TARS3: variants seen among roughly 807,000 people sequenced by gnomAD.
The protein encoded by TARS3 is threonyl-tRNA synthetase 3.
In TARS3, 94 loss-of-function variants were observed where a neutral mutation model predicts 103.5. The ratio of observed to expected loss-of-function variants is 0.91; its 90% CI spans 0.77 to 1.08. The LOEUF (loss-of-function observed/expected upper bound fraction) is 1.08. Ranked by LOEUF, TARS3 falls within the 50% of genes least tolerant of loss-of-function variation. The pLI is 0.00. For synonymous variants in TARS3, 416 were observed against 355.4 expected, an observed-to-expected ratio of 1.17 and a Z score of -1.92; for missense variants, 952 against 995.2, an observed-to-expected ratio of 0.96 and a Z score of 0.58.
chr15:101,655,522 C>T (rs559666087), intron 18 of TARS3, among the ~76,000 whole-genome samples: 3 of 144,844 alleles, frequency 2.1e-5, no homozygotes, highest in South Asian at 2.2e-4. Flanking sequence ...CCACCTGGCA[C>T]TAGGGCGCAA....
intron 4 of TARS3, among the ~76,000 whole-genome samples, chr15:101,712,829 T>G (rs1302039497): frequency 6.6e-6 from 1 of 152,242 alleles, no homozygotes; most frequent in African/African-American, 2.4e-5. Flanking sequence ...AAAAAGCTGT[T>G]TGATAAAATG....
Position 101,671,594 on chromosome 15 carries a change from TTAAA to T in TARS3, c.1867-12_1867-9del, listed in dbSNP as rs769978690. 15 of 1,609,684 alleles carry T rather than the reference TTAAA, an allele frequency of 9.3e-6. No homozygotes were observed. The highest frequency in any genetic ancestry group is 1.7e-5 in the Admixed American group (1 of 59,936). On this transcript the variant is annotated splice_polypyrimidine_tract_variant and intron_variant, in intron 14 of 18. Transcript: ENST00000335968. ...CTTGATTTTTATGTCAATCTACAAA[TTAAA>T]TAATGTTTGCTCAGAAAAGAGTATT...
intron 3 of TARS3, among the ~76,000 whole-genome samples, chr15:101,720,684 G>A (rs1203447152): frequency 1.3e-5 from 2 of 152,108 alleles, no homozygotes; most frequent in Non-Finnish European, 2.9e-5. Flanking sequence ...TGGTTTGGCT[G>A]TGTGCCCATC....
rs1289370637 is a variant in TARS3 at position 101,684,227 on chromosome 15, C to T, written c.1498G>A (p.Ala500Thr). Residue 500 changes from alanine (A) to threonine (T), a missense_variant, in exon 12 of 19, where the codon GCC becomes ACC. By Grantham distance (58) the Ala-to-Thr change is moderately conservative (BLOSUM62 0). This residue lies in a region of TARS3 where 540 missense variants were observed against 631.0 expected (regional missense o/e 0.86). Coordinates refer to ENST00000335968, the MANE Select transcript of TARS3 (RefSeq NM_152334.3). ...TCCCTCCAAGATCGTGGACGATGGGCAAACATTAGACTAGAAAAGATGTGG... is the reference window on the plus strand; with the variant it reads ...TCCCTCCAAGATCGTGGACGATGGGTAAACATTAGACTAGAAAAGATGTGG... ...MNCPGHCLMF[A>T]HRPRSWREMP... 2 of 1,613,396 alleles carry T rather than the reference C, an allele frequency of 1.2e-6. No individual in the cohort carries two copies. Among genetic ancestry groups the T allele is most frequent in the Admixed American group, 3.3e-5 (2 of 59,970 alleles).
intron 18 of TARS3, among the ~76,000 whole-genome samples, 161 bp from the exon 19 acceptor site, chr15:101,654,891 G>C (rs1271697022): frequency 6.6e-6 from 1 of 152,218 alleles, no homozygotes; most frequent in Non-Finnish European, 1.5e-5. Flanking sequence ...TTTCTTGAGG[G>C]AAGCAATGAC....
chr15:101,684,107 C>T lies in TARS3; in HGVS notation c.1618G>A (p.Asp540Asn), dbSNP rs1208908592. The T allele has an allele frequency of 1.9e-6, 3 of 1,613,524 alleles. No homozygotes were observed. The Admixed American group carries it at 5.0e-5, about 27-fold the overall frequency. ...ACTGTGCAAAAAATGTGAGCATCGT[C>T]CTGCTGGAAGCGCCTCACTCTGGTC... The part of the protein sequence containing the change: ...GLTRVRRFQQ[D>N]DAHIFCTVEQ... The change falls in exon 12 of 19, where the codon GAC becomes AAC. Residue 540 changes from aspartate (D) to asparagine (N), a missense_variant. By Grantham distance (23) the Asp-to-Asn change is conservative. Transcript: ENST00000335968.
In TARS3 at chr15:101,701,084, A is replaced by G; in HGVS notation, c.1320+2T>C. The G allele has an allele frequency of 2.0e-6, 3 of 1,516,118 alleles. No individual in the cohort carries two copies. The highest frequency in any genetic ancestry group is 2.7e-6 in the Non-Finnish European group (3 of 1,127,442). 93.9% of individuals were successfully genotyped at this position (1,516,118 alleles called of 1,614,324 possible). On this transcript the variant is annotated splice_donor_variant, in intron 10 of 18. Transcript: ENST00000335968. LOFTEE classifies it high-confidence loss of function. ...GAATAAAACATTTTAAAGTTAACTT[A>G]CTCGTATGAAATCTGTAAGCGTATT...
chr15:101,711,889 A>G lies in TARS3; in HGVS notation c.803T>C (p.Ile268Thr), dbSNP rs769155767. 31 of 1,613,766 alleles carry G rather than the reference A, an allele frequency of 1.9e-5. No individual in the cohort carries two copies. The highest frequency in any genetic ancestry group is 2.6e-5 in the Non-Finnish European group (31 of 1,179,804). ...IENGFYYDMF[I>T]EDRAVSSTEL... ...GTATTCAGTGTGTTACCTGTCTTCA[A>G]TGAACATGTCATAATAAAATCCATT... The change falls in exon 5 of 19, where the codon ATT (isoleucine) becomes ACT (threonine). Residue 268 changes from isoleucine (I) to threonine (T), a missense_variant. Transcript: ENST00000335968.
chr15:101,680,385 C>G (rs537879564), intron 12 of TARS3, among the ~76,000 whole-genome samples: 2 of 152,278 alleles, frequency 1.3e-5, no homozygotes, highest in South Asian at 2.1e-4. Flanking sequence ...TTATCGATGC[C>G]TGTTGGCATC....
At chr15:101,659,841 T>G (rs1222120464) in intron 16 of TARS3, among the ~76,000 whole-genome samples, 1 of 152,196 alleles carries the variant, frequency 6.6e-6, no homozygotes, top group Admixed American at 6.5e-5. Context: ...TTCTCTATGA[T>G]CACAAAATAT....
At position 101,686,012 on chromosome 15, in the gene TARS3, G is replaced by A; in HGVS notation, c.1371C>T (p.Tyr457=). 1 of 1,613,674 alleles carries A rather than the reference G, an allele frequency of 6.2e-7. No homozygotes were observed. The highest frequency in any genetic ancestry group is 8.5e-7 in the Non-Finnish European group (1 of 1,179,706). The change falls in exon 11 of 19, where the codon TAC becomes TAT. Residue 457 remains tyrosine (Y), a synonymous_variant. Transcript: ENST00000335968. ...DFTEVLSPNM[Y]NSKLWEASGH... is the part of the protein sequence containing the mutation. Reference sequence around the variant, plus strand: ...CTGAGGCTTCCCAGAGTTTACTGTTGTACATATTGGGAGAGAGCACCTCCG... The same window carrying A: ...CTGAGGCTTCCCAGAGTTTACTGTTATACATATTGGGAGAGAGCACCTCCG...
At chr15:101,659,814 A>G (rs1175982768) in intron 16 of TARS3, among the ~76,000 whole-genome samples, 1 of 152,218 alleles carries the variant, frequency 6.6e-6, no homozygotes, top group Non-Finnish European at 1.5e-5. Context: ...TAGAAACTCC[A>G]TGATACCTAA....
At chr15:101,675,530 G>C in intron 13 of TARS3, 70 bp downstream of exon 13, 1 of 1,471,872 alleles carries the variant, frequency 6.8e-7, no homozygotes, top group Non-Finnish European at 9.2e-7. Context: ...ATCCTCCTGT[G>C]AAGACTGCAG....
intron 4 of TARS3, among the ~76,000 whole-genome samples, chr15:101,713,384 T>C (rs962169570): frequency 6.6e-6 from 1 of 152,212 alleles, no homozygotes; most frequent in Admixed American, 6.5e-5. Context: ...TGCAATGGGA[T>C]GCATTAAAGG....
chr15:101,669,254 G>GA (rs1471218462), intron 15 of TARS3, among the ~76,000 whole-genome samples: 2 of 152,080 alleles, frequency 1.3e-5, no homozygotes, highest in Non-Finnish European at 2.9e-5. Flanking sequence ...GTTTTTAATA[G>GA]AAAAATGTTT....
Position 101,724,417 on chromosome 15 carries a change from C to T in TARS3, c.-30G>A. On this transcript the variant is annotated 5_prime_UTR_variant, in exon 1 of 19. Transcript: ENST00000335968. Reference sequence around the variant, plus strand: ...GCCTCCCTCAGGCACCGACGCCGAGCGGGGTGCCCGCGACTGCGGCGAGGG... The same window carrying T: ...GCCTCCCTCAGGCACCGACGCCGAGTGGGGTGCCCGCGACTGCGGCGAGGG... 1 of 1,367,996 alleles carries T rather than the reference C, an allele frequency of 7.3e-7. No homozygotes were observed. The highest frequency in any genetic ancestry group is 9.4e-7 in the Non-Finnish European group (1 of 1,067,532). 84.7% of individuals were successfully genotyped at this position (1,367,996 alleles called of 1,614,324 possible). A position where few individuals can be genotyped will look rare whatever the true frequency, so the allele number is the denominator to read the frequency against.
intron 15 of TARS3, among the ~76,000 whole-genome samples, chr15:101,666,211 C>T (rs1161496537): frequency 2.0e-5 from 3 of 152,036 alleles, no homozygotes; most frequent in East Asian, 1.9e-4. Context: ...AGGTCAGGAT[C>T]GGTGGCTCAC....
intron 4 of TARS3, among the ~76,000 whole-genome samples, chr15:101,713,420 C>T (rs920768168): frequency 6.6e-6 from 1 of 152,188 alleles, no homozygotes; most frequent in African/African-American, 2.4e-5. Context: ...ATTAAATTTA[C>T]ATTTACACAC....
intron 10 of TARS3, among the ~76,000 whole-genome samples, chr15:101,696,285 A>G (rs535098126): frequency 2.6e-5 from 4 of 151,762 alleles, no homozygotes; most frequent in African/African-American, 9.7e-5. Flanking sequence ...AAACTGCTAC[A>G]AAGTAGTTCT....
Sources: gnomAD v4.1 joint callset for allele counts (sites outside exome capture counted in the v4.1 genomes callset) on GRCh38, gnomAD v4.1.1 for gene constraint, gnomAD v4.1.1 regional missense constraint, MANE v1.5 for transcripts, NCBI Gene and HGNC (gene_info 2026-07-23, HGNC 2026-07-21) for gene names.